TNIK: variants seen among roughly 807,000 people sequenced by gnomAD.
TNIK encodes TRAF2 and NCK-interacting protein kinase.
In TNIK, 49 loss-of-function variants were observed where a neutral mutation model predicts 191.3. The observed-to-expected ratio is 0.26, with a 90% CI of 0.20 to 0.32. The LOEUF (loss-of-function observed/expected upper bound fraction) is 0.32, where lower values mean the gene tolerates loss of function less well. Among genes scored for constraint, TNIK ranks in the 10% least tolerant of loss-of-function variants. The probability of loss-of-function intolerance (pLI) is 1.00; values close to 1 mark genes in which losing one functional copy is unlikely to be tolerated. For missense variants in TNIK, 1,155 were observed against 1,702.3 expected (o/e 0.68, Z 5.66); for synonymous variants, 594 against 600.9 (o/e 0.99, Z 0.17).
At chr3:171,325,802 A>T (rs1020562520) in intron 2 of TNIK, among the ~76,000 whole-genome samples, 1 of 152,194 alleles carries the variant, frequency 6.6e-6, no homozygotes, top group Non-Finnish European at 1.5e-5. Context: ...TCATTAATTG[A>T]TGTTTGCACA....
At position 171,175,341 on chromosome 3, in the gene TNIK, C is replaced by G. The variant is rs866705211; in HGVS notation, c.695-11G>C. 5.0e-6 allele frequency: 8 copies of G among 1,603,590 alleles called. No individual in the cohort carries two copies. The African/African-American group carries it at 9.4e-5, about 19-fold the overall frequency. On this transcript the variant is annotated splice_polypyrimidine_tract_variant and intron_variant, in intron 8 of 32. Coordinates refer to ENST00000436636, the MANE Select transcript of TNIK (RefSeq NM_015028.4). The stretch of plus-strand genomic sequence containing the variant: ...GCATGTCACAGAGAGCTGCAAGAGA[C>G]CAAAACAAGGGCCAGCTACAGTTAG...
intron 1 of TNIK, among the ~76,000 whole-genome samples, chr3:171,409,703 G>T (rs910862537): frequency 6.7e-6 from 1 of 149,984 alleles, no homozygotes; most frequent in Admixed American, 6.7e-5. Flanking sequence ...GTCCTCCCCA[G>T]ACACCACATA....
intron 22 of TNIK, among the ~76,000 whole-genome samples, chr3:171,100,697 G>A (rs1293633937): frequency 6.8e-6 from 1 of 146,260 alleles, no homozygotes; most frequent in African/African-American, 2.6e-5. Context: ...GTTCTTTCAC[G>A]GGATCCACTC....
intron 2 of TNIK, among the ~76,000 whole-genome samples, chr3:171,262,937 C>G (rs1747824692): frequency 6.6e-6 from 1 of 152,148 alleles, no homozygotes; most frequent in Admixed American, 6.6e-5. Context: ...ATTTTCCCTT[C>G]TGATGAAACA....
intron 12 of TNIK, among the ~76,000 whole-genome samples, chr3:171,157,161 TGGAG>T (rs1418473959): frequency 1.3e-5 from 2 of 152,126 alleles, no homozygotes; most frequent in African/African-American, 4.8e-5. Flanking sequence ...TAGGACATGC[TGGAG>T]GGAGGGACTG....
At chr3:171,101,811 AAAAG>A in intron 21 of TNIK, 178 bp from the exon 22 acceptor site, 3 of 622,892 alleles carry the variant, frequency 4.8e-6, no homozygotes, top group South Asian at 4.8e-5. Context: ...TAGAAGCTAG[AAAAG>A]AAAGATGAAA....
chr3:171,207,113 A>T (rs1405605716), intron 4 of TNIK, among the ~76,000 whole-genome samples: 1 of 152,102 alleles, frequency 6.6e-6, no homozygotes, highest in African/African-American at 2.4e-5. Context: ...TTCCTTGGCT[A>T]TTCTAAATAT....
chr3:171,158,157 C>T lies in TNIK; in HGVS notation c.1017-493G>A, dbSNP rs561592888. Among the ~76,000 whole-genome samples the T allele has an allele frequency of 1.3e-4, 20 of 152,282 alleles. No homozygotes were observed. In the South Asian group the frequency reaches 3.5e-3, roughly 27 times the overall value. ...AGGCCAGGCTGCTCCTGTGAAGCCACGATGAACTAGCGATGGAAAACCCTT... is the reference window on the plus strand; with the variant it reads ...AGGCCAGGCTGCTCCTGTGAAGCCATGATGAACTAGCGATGGAAAACCCTT... On this transcript the variant is annotated intron_variant, in intron 11 of 32. Transcript: ENST00000436636.
chr3:171,436,517 C>A (rs896271356), intron 1 of TNIK, among the ~76,000 whole-genome samples: 7 of 151,852 alleles, frequency 4.6e-5, no homozygotes, highest in African/African-American at 1.7e-4. Context: ...TTTTACATAA[C>A]TTGTCACAAG....
At chr3:171,307,981 G>A (rs1209837273) in intron 2 of TNIK, among the ~76,000 whole-genome samples, 3 of 152,000 alleles carry the variant, frequency 2.0e-5, no homozygotes, top group African/African-American at 2.4e-5. Flanking sequence ...AATCGATATT[G>A]TTAAATTGGC....
At chr3:171,308,754 C>T (rs1210897817) in intron 2 of TNIK, among the ~76,000 whole-genome samples, 2 of 152,006 alleles carry the variant, frequency 1.3e-5, no homozygotes, top group Admixed American at 1.3e-4. Flanking sequence ...GACATGAACA[C>T]TTTTCAAAAG....
At chr3:171,304,683 A>C (rs902425204) in intron 2 of TNIK, among the ~76,000 whole-genome samples, 3 of 152,174 alleles carry the variant, frequency 2.0e-5, no homozygotes, top group African/African-American at 7.2e-5. Flanking sequence ...TGCAGCCATA[A>C]AAAATGATGA....
Position 171,359,136 on chromosome 3 carries a change from G to A in TNIK, c.123+10484C>T, listed in dbSNP as rs115352283. Reference sequence around the variant, plus strand: ...GGTAATTACTGTATGTACGTTCTACGATAAGAGAAAGAGGTACCACTAAAA... The same window carrying A: ...GGTAATTACTGTATGTACGTTCTACAATAAGAGAAAGAGGTACCACTAAAA... On this transcript the variant is annotated intron_variant, in intron 2 of 32. Coordinates refer to ENST00000436636, the MANE Select transcript of TNIK (RefSeq NM_015028.4). 8.1e-3 allele frequency among the ~76,000 whole-genome samples: 1,228 copies of A among 152,204 alleles called. 17 individuals carry two copies. The highest frequency in any genetic ancestry group is 0.028 in the African/African-American group (1,153 of 41,546).
At chr3:171,415,409 C>G (rs1296281282) in intron 1 of TNIK, among the ~76,000 whole-genome samples, 2 of 152,130 alleles carry the variant, frequency 1.3e-5, no homozygotes, top group Non-Finnish European at 2.9e-5. Flanking sequence ...GAAAAGGTGA[C>G]TGACAATAGG....
chr3:171,304,706 T>C (rs999810158), intron 2 of TNIK, among the ~76,000 whole-genome samples: 16 of 152,124 alleles, frequency 1.1e-4, no homozygotes, highest in African/African-American at 3.9e-4. Context: ...TCATGTCCTT[T>C]GTAGGGACAT....
At chr3:171,225,034 G>A (rs776317603) in intron 3 of TNIK, among the ~76,000 whole-genome samples, 1 of 152,144 alleles carries the variant, frequency 6.6e-6, no homozygotes, top group Admixed American at 6.5e-5. Context: ...GGCTTTATCA[G>A]TTTTATAACA....
chr3:171,343,205 G>C (rs138057896), intron 2 of TNIK, among the ~76,000 whole-genome samples: 3,532 of 152,218 alleles, frequency 0.023, 58 homozygotes, highest in Middle Eastern at 0.058. Context: ...CATGGAGAGG[G>C]GTGAGCCGTT....
At chr3:171,422,345 C>T (rs544513572) in intron 1 of TNIK, among the ~76,000 whole-genome samples, 39 of 152,182 alleles carry the variant, frequency 2.6e-4, no homozygotes, top group African/African-American at 9.4e-4. Flanking sequence ...TACTTACACA[C>T]ACCACATGTT....
chr3:171,326,056 G>A (rs1577486749), intron 2 of TNIK, among the ~76,000 whole-genome samples: 1 of 152,112 alleles, frequency 6.6e-6, no homozygotes, highest in East Asian at 1.9e-4. Context: ...AAGACAGCAT[G>A]TTATGTGGCA....
Sources: allele counts gnomAD v4.1 joint callset (sites outside exome capture counted in the v4.1 genomes callset), GRCh38; gene constraint gnomAD v4.1.1; transcripts MANE v1.5; gene names NCBI Gene and HGNC (gene_info 2026-07-23, HGNC 2026-07-21).